PRKN: variants seen among roughly 807,000 people sequenced by gnomAD.
PRKN encodes the protein parkin RBR E3 ubiquitin protein ligase, also known as E3 ubiquitin-protein ligase parkin.
Under a neutral mutation model 59.5 loss-of-function variants are expected in PRKN, and 56 were observed. The ratio of observed to expected loss-of-function variants is 0.94; its 90% CI spans 0.76 to 1.18. The LOEUF (loss-of-function observed/expected upper bound fraction) is 1.18. Ranked by LOEUF, PRKN falls within the 50% of genes most tolerant of loss-of-function variation. The pLI is 0.00. For missense variants in PRKN, 657 were observed against 596.4 expected, an observed-to-expected ratio of 1.10 and a Z score of -1.06; for synonymous variants, 250 against 222.1, an observed-to-expected ratio of 1.13 and a Z score of -1.12.
chr6:162,179,158 G>T (rs1472675876), intron 4 of PRKN, among the ~76,000 whole-genome samples: 3 of 152,196 alleles, frequency 2.0e-5, no homozygotes. Context: ...GGGATTACAG[G>T]TATCAGCCAC....
chr6:162,272,271 G>A (rs1409068191), intron 2 of PRKN, among the ~76,000 whole-genome samples: 5 of 152,048 alleles, frequency 3.3e-5, no homozygotes, highest in African/African-American at 9.7e-5. Context: ...AAAGGATATC[G>A]GATCACCAAA....
chr6:162,499,156 C>T (rs1011233052), intron 1 of PRKN, among the ~76,000 whole-genome samples: 8 of 152,122 alleles, frequency 5.3e-5, no homozygotes, highest in Non-Finnish European at 8.8e-5. Flanking sequence ...TCTCTCATCA[C>T]GCCCCTACTT....
chr6:161,653,911 G>A (rs888524673), intron 7 of PRKN, among the ~76,000 whole-genome samples: 6 of 152,156 alleles, frequency 3.9e-5, no homozygotes, highest in African/African-American at 1.2e-4. Context: ...ACAGGAGCAC[G>A]CTGGGGTCAC....
chr6:162,718,203 A>C (rs1303811671), intron 1 of PRKN, among the ~76,000 whole-genome samples: 1 of 151,470 alleles, frequency 6.6e-6, no homozygotes. Context: ...TAAGACAAAA[A>C]AAATCTTATT....
intron 1 of PRKN, among the ~76,000 whole-genome samples, chr6:162,639,255 C>T (rs935020192): frequency 2.0e-5 from 3 of 152,036 alleles, no homozygotes; most frequent in African/African-American, 4.8e-5. Context: ...TTGCTCAGGC[C>T]TGTTAAAGTA....
intron 7 of PRKN, among the ~76,000 whole-genome samples, chr6:161,659,787 C>T (rs1784479420): frequency 6.6e-6 from 1 of 151,916 alleles, no homozygotes; most frequent in Admixed American, 6.6e-5. Context: ...CTTTCTAAGC[C>T]CCTGGGTATC....
At chr6:161,805,397 C>T (rs897129051) in intron 6 of PRKN, among the ~76,000 whole-genome samples, 4 of 151,938 alleles carry the variant, frequency 2.6e-5, no homozygotes, top group Admixed American at 6.6e-5. Flanking sequence ...TCTGAGGATG[C>T]CATCGAGGTC....
chr6:161,604,644 T>G (rs1368832103), intron 7 of PRKN, among the ~76,000 whole-genome samples: 2 of 152,194 alleles, frequency 1.3e-5, no homozygotes, highest in Non-Finnish European at 2.9e-5. Flanking sequence ...GTTAGAAATC[T>G]GACACATTGG....
intron 9 of PRKN, among the ~76,000 whole-genome samples, chr6:161,485,562 T>C (rs564357016): frequency 1.6e-4 from 25 of 152,230 alleles, no homozygotes; most frequent in African/African-American, 5.5e-4. Flanking sequence ...CTAATTTATA[T>C]AGGAGGGGGT....
intron 2 of PRKN, among the ~76,000 whole-genome samples, chr6:162,331,815 C>T (rs965965354): frequency 6.6e-6 from 1 of 152,124 alleles, no homozygotes; most frequent in Admixed American, 6.6e-5. Flanking sequence ...CTGAGACCTC[C>T]GTAGCGGTGG....
intron 1 of PRKN, among the ~76,000 whole-genome samples, chr6:162,602,803 C>A (rs189092483): frequency 5.5e-4 from 84 of 152,256 alleles, no homozygotes; most frequent in African/African-American, 1.9e-3. Flanking sequence ...CCTCAAAGCA[C>A]CAATGGGTCT....
At chr6:162,522,493 A>C (rs534000801) in intron 1 of PRKN, among the ~76,000 whole-genome samples, 2 of 152,354 alleles carry the variant, frequency 1.3e-5, no homozygotes, top group East Asian at 1.9e-4. Flanking sequence ...TACCATCATG[A>C]TAAAGCAGAT....
At chr6:161,838,463 G>T (rs1367900958) in intron 6 of PRKN, among the ~76,000 whole-genome samples, 2 of 152,166 alleles carry the variant, frequency 1.3e-5, no homozygotes, top group Non-Finnish European at 2.9e-5. Flanking sequence ...AGCCTTCCGA[G>T]CCTCAGGTTC....
chr6:161,441,814 C>G (rs571247605), intron 9 of PRKN, among the ~76,000 whole-genome samples: 2 of 152,330 alleles, frequency 1.3e-5, no homozygotes, highest in African/African-American at 4.8e-5. Flanking sequence ...TGCCACCTGC[C>G]TGGGGGCTCC....
At chr6:162,201,953 T>A (rs1306832342) in intron 3 of PRKN, among the ~76,000 whole-genome samples, 2 of 152,212 alleles carry the variant, frequency 1.3e-5, no homozygotes, top group Non-Finnish European at 1.5e-5. Flanking sequence ...TTCTCTCAAC[T>A]GTCACCATAT....
chr6:162,711,467 TG>T (rs1407239472), intron 1 of PRKN, among the ~76,000 whole-genome samples: 2 of 148,748 alleles, frequency 1.3e-5, no homozygotes, highest in African/African-American at 4.9e-5. Context: ...TGGCTGGCCC[TG>T]AACTATTCCG....
intron 7 of PRKN, among the ~76,000 whole-genome samples, chr6:161,569,662 C>T (rs1187859914): frequency 6.6e-6 from 1 of 152,238 alleles, no homozygotes; most frequent in East Asian, 1.9e-4. Flanking sequence ...CAGGCTTTCT[C>T]TCCCCTCTGA....
At chr6:161,771,433 T>C (rs1583139648) in intron 7 of PRKN, among the ~76,000 whole-genome samples, 1 of 150,222 alleles carries the variant, frequency 6.7e-6, no homozygotes, top group Non-Finnish European at 1.5e-5. Flanking sequence ...AAGAAAGAGC[T>C]GTCACAGGTA....
chr6:162,408,813 C>T (rs1788203919), intron 2 of PRKN, among the ~76,000 whole-genome samples: 2 of 152,280 alleles, frequency 1.3e-5, no homozygotes, highest in East Asian at 3.9e-4. Context: ...CATATTCTTA[C>T]TCTAAGCATC....
Sources: allele counts gnomAD v4.1 joint callset (sites outside exome capture counted in the v4.1 genomes callset), GRCh38; gene constraint gnomAD v4.1.1; transcripts MANE v1.5; gene names NCBI Gene and HGNC (gene_info 2026-07-23, HGNC 2026-07-21).